Variants in LARGE1 observed in about 807,000 individuals in gnomAD.
LARGE1 encodes the protein LARGE xylosyl- and glucuronyltransferase 1.
Under a neutral mutation model 87.6 loss-of-function variants are expected in LARGE1, and 43 were observed. The observed-to-expected ratio is 0.49, with a 90% CI of 0.38 to 0.63. LARGE1 has a LOEUF of 0.63. Among genes scored for constraint, LARGE1 ranks in the 30% least tolerant of loss-of-function variants. The probability of loss-of-function intolerance (pLI) is 0.00; values close to 1 mark genes in which losing one functional copy is unlikely to be tolerated. For synonymous variants in LARGE1, 434 were observed against 394.6 expected, an observed-to-expected ratio of 1.10 and a Z score of -1.18; for missense variants, 802 against 1,000.2, an observed-to-expected ratio of 0.80 and a Z score of 2.67.
At chr22:33,905,652 C>T (rs2065424077) in intron 1 of LARGE1, among the ~76,000 whole-genome samples, 2 of 152,184 alleles carry the variant, frequency 1.3e-5, no homozygotes, top group African/African-American at 4.8e-5. Context: ...GTTTCTGGCA[C>T]CAAGTTTCAA....
chr22:33,794,125 G>A (rs2085908130), intron 1 of LARGE1, among the ~76,000 whole-genome samples: 1 of 152,122 alleles, frequency 6.6e-6, no homozygotes, highest in African/African-American at 2.4e-5. Context: ...ATATCCAGAA[G>A]CTTCCCAGGA....
chr22:33,408,199 G>A (rs12152123), intron 7 of LARGE1, among the ~76,000 whole-genome samples: 26,170 of 151,974 alleles, frequency 0.17, 2,414 homozygotes, highest in South Asian at 0.26. Flanking sequence ...TGGCCAGGAT[G>A]GTCTCGATCT....
chr22:33,672,145 GA>G (rs1210162100), intron 2 of LARGE1, among the ~76,000 whole-genome samples: 4 of 152,080 alleles, frequency 2.6e-5, no homozygotes, highest in African/African-American at 9.7e-5. Context: ...GAAGACCTAC[GA>G]AGAGAGATGT....
chr22:33,725,093 G>A, intron 2 of LARGE1: 1 of 153,268 alleles, frequency 6.5e-6, no homozygotes, highest in Non-Finnish European at 1.5e-5. Context: ...GAGAGCAGGT[G>A]TGTGTGAGGT....
At chr22:33,596,781 A>C (rs755545728) in intron 5 of LARGE1, among the ~76,000 whole-genome samples, 5 of 152,232 alleles carry the variant, frequency 3.3e-5, no homozygotes, top group Non-Finnish European at 7.3e-5. Flanking sequence ...AGAAGAAAGC[A>C]AGATTTGTTG....
At chr22:33,912,238 T>C (rs943701724) in intron 1 of LARGE1, among the ~76,000 whole-genome samples, 5 of 152,186 alleles carry the variant, frequency 3.3e-5, no homozygotes, top group Non-Finnish European at 7.3e-5. Flanking sequence ...GGCTTCGAGT[T>C]AGCCGCAGCA....
chr22:33,687,107 C>T (rs1454353350), intron 2 of LARGE1, among the ~76,000 whole-genome samples: 1 of 152,016 alleles, frequency 6.6e-6, no homozygotes, highest in Admixed American at 6.6e-5. Flanking sequence ...AATATTCTTC[C>T]CTCAGATCTT....
intron 6 of LARGE1, among the ~76,000 whole-genome samples, chr22:33,453,026 C>T (rs990803003): frequency 2.0e-5 from 3 of 152,320 alleles, no homozygotes; most frequent in African/African-American, 2.4e-5. Flanking sequence ...CTGGCCTGCC[C>T]TCCAGCTTTC....
intron 12 of LARGE1, among the ~76,000 whole-genome samples, chr22:33,296,731 A>G (rs1429889319): frequency 1.3e-5 from 2 of 151,858 alleles, no homozygotes; most frequent in Admixed American, 1.3e-4. Flanking sequence ...ACCACGTCCA[A>G]CTAATTTTTG....
intron 12 of LARGE1, among the ~76,000 whole-genome samples, chr22:33,292,667 G>A (rs1245963267): frequency 6.6e-6 from 1 of 152,178 alleles, no homozygotes; most frequent in African/African-American, 2.4e-5. Context: ...GAGCCACAGA[G>A]TCTGATATTT....
intron 5 of LARGE1, among the ~76,000 whole-genome samples, chr22:33,579,331 C>T (rs1169954535): frequency 6.6e-6 from 1 of 152,222 alleles, no homozygotes; most frequent in Non-Finnish European, 1.5e-5. Flanking sequence ...TTGCCTTCCA[C>T]CATGATTGTG....
chr22:33,459,380 C>T (rs1037127179), intron 6 of LARGE1, among the ~76,000 whole-genome samples: 1 of 151,632 alleles, frequency 6.6e-6, no homozygotes, highest in Non-Finnish European at 1.5e-5. Context: ...CATGATCCAC[C>T]GTGAAAGTCT....
chr22:33,492,358 G>A (rs927892508), intron 6 of LARGE1, among the ~76,000 whole-genome samples: 1 of 152,184 alleles, frequency 6.6e-6, no homozygotes, highest in African/African-American at 2.4e-5. Context: ...TGACACTTTT[G>A]CGTCTTTCAA....
intron 7 of LARGE1, among the ~76,000 whole-genome samples, chr22:33,404,062 G>A (rs1336025122): frequency 6.6e-6 from 1 of 152,178 alleles, no homozygotes; most frequent in East Asian, 1.9e-4. Flanking sequence ...TAACAGAAGA[G>A]GGATAAACAA....
At chr22:33,340,903 G>A (rs1385930833) in intron 9 of LARGE1, among the ~76,000 whole-genome samples, 2 of 151,868 alleles carry the variant, frequency 1.3e-5, no homozygotes, top group African/African-American at 4.9e-5. Flanking sequence ...ATACACTGTG[G>A]AGGACAGAAG....
intron 12 of LARGE1, among the ~76,000 whole-genome samples, chr22:33,286,309 T>C (rs1256530214): frequency 1.3e-5 from 2 of 152,186 alleles, no homozygotes; most frequent in Admixed American, 1.3e-4. Context: ...AGCTAGGCTA[T>C]TTACCTTTCC....
At position 33,382,115 on chromosome 22, in the gene LARGE1, C is replaced by T. The variant is rs142226879; in HGVS notation, c.1006-71G>A. The T allele has an allele frequency of 1.2e-3, 1,873 of 1,597,698 alleles. 2 individuals carry two copies. The highest frequency in any genetic ancestry group is 1.5e-3 in the Non-Finnish European group (1,792 of 1,171,190). Reference sequence around the variant, plus strand: ...CAGCTGCCCATTTTGGCTCTCAAGGCACTGCATCCCCTGTGATAGGGCTTC... The same window carrying T: ...CAGCTGCCCATTTTGGCTCTCAAGGTACTGCATCCCCTGTGATAGGGCTTC... On this transcript the variant is annotated intron_variant, in intron 8 of 14. Coordinates refer to ENST00000397394, the MANE Select transcript of LARGE1 (RefSeq NM_133642.5).
chr22:33,826,807 T>C (rs1255074215), intron 1 of LARGE1, among the ~76,000 whole-genome samples: 3 of 152,116 alleles, frequency 2.0e-5, no homozygotes, highest in African/African-American at 7.2e-5. Flanking sequence ...CTGTTATCAT[T>C]GGCCTACAAT....
rs757956606 is a variant in LARGE1 at position 33,761,357 on chromosome 22, G to T, written c.106+14C>A. On this transcript the variant is annotated intron_variant, in intron 2 of 14. Transcript: ENST00000397394. Reference sequence around the variant, plus strand: ...TCTTCCCTCCTTCCCTCTCACTTTGGCTTCCATTCTTACCTTCGAAGCTCC... The same window carrying T: ...TCTTCCCTCCTTCCCTCTCACTTTGTCTTCCATTCTTACCTTCGAAGCTCC... The T allele has an allele frequency of 6.3e-7, 1 of 1,595,350 alleles. No homozygotes were observed. The highest frequency in any genetic ancestry group is 8.6e-7 in the Non-Finnish European group (1 of 1,163,082).
Sources: allele counts gnomAD v4.1 joint callset (sites outside exome capture counted in the v4.1 genomes callset), GRCh38; gene constraint gnomAD v4.1.1; transcripts MANE v1.5; gene names NCBI Gene and HGNC (gene_info 2026-07-23, HGNC 2026-07-21).